Variants in CGNL1 observed in about 807,000 individuals in gnomAD.
CGNL1 encodes the protein cingulin-like protein 1.
CGNL1 carries 132 observed loss-of-function variants against 141.2 expected under a neutral mutation model. The observed-to-expected ratio is 0.93, with a 90% CI of 0.81 to 1.08. The LOEUF (loss-of-function observed/expected upper bound fraction) is 1.08. Among genes scored for constraint, CGNL1 ranks in the 50% least tolerant of loss-of-function variants. The pLI, the probability that CGNL1 is intolerant of heterozygous loss-of-function variation, is 0.00. For synonymous variants in CGNL1, 690 were observed against 622.1 expected, an observed-to-expected ratio of 1.11 and a Z score of -1.63; for missense variants, 1,870 against 1,588.6, an observed-to-expected ratio of 1.18 and a Z score of -3.01.
rs1432642677 is a variant in CGNL1, at chr15:57,528,866, G to A, written c.3201+51G>A. ...GGGGGACCTGCAGAGAGCGAGGCTGGGCCACGAGAGAAGCAGCCTCTTTGC... is the reference window on the plus strand; with the variant it reads ...GGGGGACCTGCAGAGAGCGAGGCTGAGCCACGAGAGAAGCAGCCTCTTTGC... On this transcript the variant is annotated intron_variant, in intron 13 of 18. Transcript: ENST00000281282. The A allele has an allele frequency of 3.2e-6, 5 of 1,573,930 alleles. 1 individual carries two copies. In the South Asian group the frequency reaches 4.6e-5, roughly 14 times the overall value.
chr15:57,394,931 G>A (rs1470924632), intron 1 of CGNL1, among the ~76,000 whole-genome samples: 1 of 152,210 alleles, frequency 6.6e-6, no homozygotes, highest in Non-Finnish European at 1.5e-5. Flanking sequence ...GGCCAACATG[G>A]TGAAACCCTG....
chr15:57,539,898 G>C (rs182029272), intron 14 of CGNL1, among the ~76,000 whole-genome samples: 6 of 152,220 alleles, frequency 3.9e-5, no homozygotes, highest in Non-Finnish European at 8.8e-5. Context: ...TCTAAGCACA[G>C]ATGGGGATGT....
At chr15:57,523,950 CAG>C (rs1286484204) in intron 11 of CGNL1, among the ~76,000 whole-genome samples, 1 of 152,186 alleles carries the variant, frequency 6.6e-6, no homozygotes, top group African/African-American at 2.4e-5. Flanking sequence ...CATCTCTGTG[CAG>C]AGTCTCTACC....
chr15:57,409,369 A>C (rs148366259), intron 1 of CGNL1, among the ~76,000 whole-genome samples: 3 of 152,336 alleles, frequency 2.0e-5, no homozygotes, highest in Non-Finnish European at 4.4e-5. Context: ...TTTATGCTGA[A>C]AGCAAAAGAA....
chr15:57,525,934 G>A (rs771139535), intron 12 of CGNL1, among the ~76,000 whole-genome samples: 1 of 152,008 alleles, frequency 6.6e-6, no homozygotes, highest in Non-Finnish European at 1.5e-5. Context: ...GAGGCAGAAG[G>A]ATTCAGGTAT....
chr15:57,479,143 C>A (rs1377718247), intron 8 of CGNL1, among the ~76,000 whole-genome samples: 2 of 152,168 alleles, frequency 1.3e-5, no homozygotes, highest in African/African-American at 4.8e-5. Flanking sequence ...GGTTTATTGC[C>A]TTTTCCAGTA....
intron 1 of CGNL1, among the ~76,000 whole-genome samples, chr15:57,391,978 C>CG (rs1226028236): frequency 4.0e-5 from 6 of 151,426 alleles, no homozygotes; most frequent in Middle Eastern, 3.4e-3. Flanking sequence ...TTCTTTCCCC[C>CG]CCCTCACCTG....
chr15:57,459,561 G>A (rs780042639), intron 7 of CGNL1, among the ~76,000 whole-genome samples: 2 of 152,150 alleles, frequency 1.3e-5, no homozygotes, highest in African/African-American at 2.4e-5. Flanking sequence ...AGGGCACTCC[G>A]GACTGAAGAT....
chr15:57,533,748 T>C (rs1424882696), intron 14 of CGNL1, among the ~76,000 whole-genome samples: 1 of 152,234 alleles, frequency 6.6e-6, no homozygotes, highest in African/African-American at 2.4e-5. Context: ...TTCTTTTTCC[T>C]TTCAACTGAG....
chr15:57,534,844 G>C (rs1293528133), intron 14 of CGNL1, among the ~76,000 whole-genome samples: 2 of 152,202 alleles, frequency 1.3e-5, no homozygotes, highest in African/African-American at 4.8e-5. Flanking sequence ...GGATATTTTA[G>C]TTTGGTGATC....
At chr15:57,525,040 A>G (rs2031527259) in intron 12 of CGNL1, among the ~76,000 whole-genome samples, 2 of 152,188 alleles carry the variant, frequency 1.3e-5, no homozygotes, top group Non-Finnish European at 2.9e-5. Flanking sequence ...AGCAGCCATG[A>G]TGTGCCCAGC....
chr15:57,520,950 C>T (rs1290956523), intron 10 of CGNL1, among the ~76,000 whole-genome samples: 1 of 152,186 alleles, frequency 6.6e-6, no homozygotes, highest in African/African-American at 2.4e-5. Context: ...AAATCTGCGT[C>T]TGTTGACAGA....
At chr15:57,421,651 G>A (rs1369561124) in intron 1 of CGNL1, among the ~76,000 whole-genome samples, 1 of 152,132 alleles carries the variant, frequency 6.6e-6, no homozygotes, top group Non-Finnish European at 1.5e-5. Context: ...CTGCTTTAGA[G>A]CAGGAGAGCC....
chr15:57,513,599 C>T (rs2030527725), intron 8 of CGNL1, among the ~76,000 whole-genome samples: 1 of 152,086 alleles, frequency 6.6e-6, no homozygotes. Context: ...TGGCTCACTG[C>T]AACCTCTGCC....
chr15:57,494,616 C>T (rs188768035), intron 8 of CGNL1, among the ~76,000 whole-genome samples: 131 of 152,302 alleles, frequency 8.6e-4, no homozygotes, highest in Non-Finnish European at 7.4e-4. Flanking sequence ...ACTTTCTGTT[C>T]TTTCTGTTTG....
rs148492642 is a variant in CGNL1 at position 57,438,529 on chromosome 15, C to T, written c.530C>T (p.Thr177Met). Residue 177 changes from threonine to methionine, a missense_variant, in exon 2 of 19, where the codon ACG becomes ATG. Coordinates refer to ENST00000281282, the MANE Select transcript of CGNL1 (RefSeq NM_032866.5). The stretch of plus-strand genomic sequence containing the variant: ...CCTTCTGAGAGTAATTGGCTAAAAA[C>T]GTTGACAGAAGAAGGCATCAACAAT... ...HQPSESNWLK[T>M]LTEEGINNKK... 12 of 1,613,898 alleles carry T rather than the reference C, an allele frequency of 7.4e-6. No homozygotes were observed. The highest frequency in any genetic ancestry group is 1.6e-4 in the Middle Eastern group (1 of 6,084).
chr15:57,405,646 CCTT>C (rs1414592693), intron 1 of CGNL1, among the ~76,000 whole-genome samples: 4 of 152,136 alleles, frequency 2.6e-5, no homozygotes, highest in African/African-American at 4.8e-5. Flanking sequence ...TCTTTCTGTG[CCTT>C]CTTATGTCCT....
intron 18 of CGNL1, among the ~76,000 whole-genome samples, chr15:57,546,867 T>G (rs1595821433): frequency 6.6e-6 from 1 of 152,122 alleles, no homozygotes; most frequent in Non-Finnish European, 1.5e-5. Context: ...GCTGCCCGGG[T>G]AGTTCTCATC....
At chr15:57,405,829 T>TCTTTCC (rs1210359951) in intron 1 of CGNL1, 71 of 91,892 alleles carry the variant, frequency 7.7e-4, no homozygotes, top group East Asian at 2.5e-3. Flanking sequence ...TTTCTTTCTT[T>TCTTTCC]TTCTTTCTTT....
Sources: allele counts gnomAD v4.1 joint callset (sites outside exome capture counted in the v4.1 genomes callset), GRCh38; gene constraint gnomAD v4.1.1; transcripts MANE v1.5; gene names NCBI Gene and HGNC (gene_info 2026-07-23, HGNC 2026-07-21).